EFCAB7: variants seen among roughly 807,000 people sequenced by gnomAD.
The protein encoded by EFCAB7 is EF-hand calcium-binding domain-containing protein 7.
In EFCAB7, 66 loss-of-function variants were observed where a neutral mutation model predicts 77.1. The observed-to-expected ratio is 0.86, with a 90% confidence interval of 0.70 to 1.05. The LOEUF (loss-of-function observed/expected upper bound fraction) is 1.05. EFCAB7 is among the 50% of genes least tolerant of loss of function. The probability of loss-of-function intolerance (pLI) is 0.00; values close to 1 mark genes in which losing one functional copy is unlikely to be tolerated. For missense variants in EFCAB7, 638 were observed against 730.5 expected, an observed-to-expected ratio of 0.87 and a Z score of 1.46; for synonymous variants, 225 against 243.3, an observed-to-expected ratio of 0.92 and a Z score of 0.70.
At chr1:63,554,855 A>G (rs954245021) in intron 8 of EFCAB7, among the ~76,000 whole-genome samples, 1 of 152,230 alleles carries the variant, frequency 6.6e-6, no homozygotes, top group African/African-American at 2.4e-5. Context: ...TGATTAATTT[A>G]TACAAATAGT....
rs1186973479 is a variant in EFCAB7, at chr1:63,568,304, T to A, written c.1498-6T>A. The A allele has an allele frequency of 6.3e-7, 1 of 1,592,546 alleles. No homozygotes were observed. The highest frequency in any genetic ancestry group is 8.5e-7 in the Non-Finnish European group (1 of 1,172,032). Reference sequence around the variant, plus strand: ...AGGCTGAAACAAGATTTTTTTTTCCTATCAGGCATGTCCATTTGTCATTGA... The same window carrying A: ...AGGCTGAAACAAGATTTTTTTTTCCAATCAGGCATGTCCATTTGTCATTGA... On this transcript the variant is annotated splice_polypyrimidine_tract_variant and splice_region_variant and intron_variant, in intron 11 of 13. Transcript: ENST00000371088.
intron 11 of EFCAB7, among the ~76,000 whole-genome samples, chr1:63,567,456 A>G (rs1647183612): frequency 6.7e-6 from 1 of 149,822 alleles, no homozygotes; most frequent in African/African-American, 2.4e-5. Flanking sequence ...TCCATCTCCA[A>G]AAAAAAAAAA....
chr1:63,562,435 CCTT>C (rs1647113274), intron 11 of EFCAB7, among the ~76,000 whole-genome samples: 1 of 99,260 alleles, frequency 1.0e-5, no homozygotes, highest in Non-Finnish European at 1.9e-5. Flanking sequence ...AAAAATTAGG[CCTT>C]CTTAATTTAT....
At chr1:63,532,567 C>A in intron 3 of EFCAB7, 103 bp from the exon 4 acceptor site, 1 of 744,132 alleles carries the variant, frequency 1.3e-6, no homozygotes, top group Non-Finnish European at 2.1e-6. Context: ...GCAATACATT[C>A]AGACTTACTT....
At chr1:63,575,974 G>C (rs1052095001), downstream of EFCAB7, among the ~76,000 whole-genome samples, 1 of 152,144 alleles carries the variant, frequency 6.6e-6, no homozygotes, top group African/African-American at 2.4e-5. Context: ...GAGTTTGCAA[G>C]TTTAAGAGCA....
chr1:63,545,775 CCTAA>C (rs1646890421), intron 6 of EFCAB7, 137 bp from the exon 7 acceptor site: 5 of 733,922 alleles, frequency 6.8e-6, no homozygotes, highest in Non-Finnish European at 6.7e-6. Flanking sequence ...TTTTCTACCT[CCTAA>C]CTATGTTGCA....
chr1:63,554,563 C>A (rs1647005536), intron 8 of EFCAB7, among the ~76,000 whole-genome samples: 2 of 152,110 alleles, frequency 1.3e-5, no homozygotes, highest in South Asian at 4.1e-4. Context: ...TGTTCTCAAA[C>A]TCCTGACATC....
chr1:63,559,301 CAAAAAAA>C (rs71052490), intron 10 of EFCAB7, among the ~76,000 whole-genome samples: 7 of 62,236 alleles, frequency 1.1e-4, no homozygotes, highest in Admixed American at 4.3e-4. Context: ...GACTCTGTCT[CAAAAAAA>C]AAAAAAAAAA....
At chr1:63,565,228 A>G (rs1238941508) in intron 11 of EFCAB7, among the ~76,000 whole-genome samples, 1 of 151,946 alleles carries the variant, frequency 6.6e-6, no homozygotes, top group Non-Finnish European at 1.5e-5. Flanking sequence ...GCATGGTGGC[A>G]GGTGCCTGTA....
In EFCAB7 at chr1:63,572,628, T is replaced by G; in HGVS notation, c.*112T>G. The G allele has an allele frequency of 3.5e-6, 4 of 1,134,860 alleles. No individual in the cohort carries two copies. Among genetic ancestry groups the G allele is most frequent in the Non-Finnish European group, 4.6e-6 (4 of 872,102 alleles). The allele number at this position is 1,134,860 out of a possible 1,614,324, so 70.3% of individuals were successfully genotyped here. A position where few individuals can be genotyped will look rare whatever the true frequency, so the allele number is the denominator to read the frequency against. On this transcript the variant is annotated 3_prime_UTR_variant, in exon 14 of 14. Transcript: ENST00000371088. Reference sequence around the variant, plus strand: ...GTACCTAAATAATAATCTATTCAATTTATATGCATTTTCATTTTATGTCCA... The same window carrying G: ...GTACCTAAATAATAATCTATTCAATGTATATGCATTTTCATTTTATGTCCA...
chr1:63,556,134 G>A (rs923940562), intron 9 of EFCAB7, among the ~76,000 whole-genome samples: 4 of 152,052 alleles, frequency 2.6e-5, no homozygotes, highest in Non-Finnish European at 2.9e-5. Flanking sequence ...GGATATGTTG[G>A]TGAAAGGATA....
At chr1:63,569,445 T>C (rs1647208276) in intron 12 of EFCAB7, 1 of 152,220 alleles carries the variant, frequency 6.6e-6, no homozygotes. Flanking sequence ...ATTCTGTTTC[T>C]CTTGTAGTTG....
intron 1 of EFCAB7, 64 bp from the exon 2 acceptor site, chr1:63,525,508 A>G (rs1269551515): frequency 3.9e-6 from 5 of 1,277,824 alleles, no homozygotes; most frequent in Admixed American, 2.9e-5. Context: ...TTTGAAAGAC[A>G]TGGTGACATT....
intron 4 of EFCAB7, 70 bp from the exon 5 acceptor site, chr1:63,533,384 G>A: frequency 9.0e-7 from 1 of 1,112,226 alleles, no homozygotes; most frequent in East Asian, 2.4e-5. Context: ...CTACTAATGT[G>A]CATTTGCTTT....
At chr1:63,584,083 CAT>C in the EFCAB7 span, among the ~76,000 whole-genome samples, 3 of 151,944 alleles carry the variant, frequency 2.0e-5, no homozygotes, top group Non-Finnish European at 4.4e-5. Context: ...TGGAAGAAGA[CAT>C]AGAAGAAGCA....
intron 11 of EFCAB7, among the ~76,000 whole-genome samples, chr1:63,565,582 A>C (rs1647161651): frequency 6.6e-6 from 1 of 152,212 alleles, no homozygotes; most frequent in South Asian, 2.1e-4. Flanking sequence ...CTATCAACAA[A>C]GTAAACAGAC....
intron 10 of EFCAB7, among the ~76,000 whole-genome samples, chr1:63,560,468 AT>A: frequency 8.2e-6 from 1 of 121,890 alleles, no homozygotes; most frequent in South Asian, 2.5e-4. Flanking sequence ...ATCTGCATTT[AT>A]TTTTTCCCCT....
At chr1:63,571,218 A>C in intron 13 of EFCAB7, 90 bp downstream of exon 13, 1 of 786,266 alleles carries the variant, frequency 1.3e-6, no homozygotes, top group Non-Finnish European at 2.1e-6. Context: ...TAAATATAAA[A>C]TGGAGTGGAA....
chr1:63,544,094 G>A (rs1365333358), intron 6 of EFCAB7, among the ~76,000 whole-genome samples: 5 of 147,622 alleles, frequency 3.4e-5, no homozygotes, highest in Non-Finnish European at 4.5e-5. Flanking sequence ...CTCAGCCTTC[G>A]GAGTAGCTGG....
Sources: allele counts gnomAD v4.1 joint callset (sites outside exome capture counted in the v4.1 genomes callset), GRCh38; gene constraint gnomAD v4.1.1; transcripts MANE v1.5; gene names NCBI Gene and HGNC (gene_info 2026-07-23, HGNC 2026-07-21).